Variants in WNK3 observed in about 807,000 individuals in gnomAD.
WNK3 encodes the protein WNK lysine deficient protein kinase 3.
Under a neutral mutation model 116.7 loss-of-function variants are expected in WNK3, and 18 were observed. The observed-to-expected ratio is 0.15, with a 90% CI of 0.11 to 0.23. The LOEUF (loss-of-function observed/expected upper bound fraction) is 0.23. Among genes scored for constraint, WNK3 ranks in the 10% least tolerant of loss-of-function variants. The pLI is 1.00. For synonymous variants in WNK3, 404 were observed against 469.4 expected, an observed-to-expected ratio of 0.86 and a Z score of 1.80; for missense variants, 993 against 1,323.8, an observed-to-expected ratio of 0.75 and a Z score of 3.88.
exon 24 of WNK3, chrX:54,194,895 T>C (rs1557139737): frequency 9.0e-6 from 1 of 111,441 alleles, no homozygotes. Flanking sequence ...CCACACTCAA[T>C]CCAAAAATCA....
At chrX:54,337,516 G>A (rs1370933401) in intron 1 of WNK3, among the ~76,000 whole-genome samples, 4 of 106,651 alleles carry the variant, frequency 3.8e-5, no homozygotes, top group Non-Finnish European at 7.7e-5. Context: ...CCGAGATTGC[G>A]CCACTGCACG....
chrX:54,335,027 G>T (rs1322622302), intron 1 of WNK3, among the ~76,000 whole-genome samples: 1 of 110,966 alleles, frequency 9.0e-6, no homozygotes, highest in African/African-American at 3.3e-5. Context: ...TTGGGAGGCC[G>T]AGGCGGGCAG....
chrX:54,302,690 A>T, intron 5 of WNK3, among the ~76,000 whole-genome samples: 1 of 90,537 alleles, frequency 1.1e-5, no homozygotes, highest in Non-Finnish European at 2.1e-5. Context: ...TCTATTTCAA[A>T]CATTCCAATT....
chrX:54,302,739 A>C (rs868944743), intron 5 of WNK3, among the ~76,000 whole-genome samples: 64 of 36,103 alleles, frequency 1.8e-3, no homozygotes, highest in African/African-American at 5.0e-3. Context: ...CTCTATATAT[A>C]TATATATATA....
At chrX:54,249,867 T>C in intron 16 of WNK3, 127 bp downstream of exon 16, 1 of 876,299 alleles carries the variant, frequency 1.1e-6, no homozygotes, top group East Asian at 3.4e-5. Flanking sequence ...AATATTAATG[T>C]CTTCAAAAAA....
At chrX:54,338,435 T>A (rs1176445432) in intron 1 of WNK3, among the ~76,000 whole-genome samples, 1 of 104,261 alleles carries the variant, frequency 9.6e-6, no homozygotes, top group Non-Finnish European at 2.0e-5. Flanking sequence ...AAAAAAAAAA[T>A]ACTTAGCCAG....
intron 2 of WNK3, among the ~76,000 whole-genome samples, chrX:54,327,300 T>C (rs1684365905): frequency 9.0e-6 from 1 of 111,150 alleles, no homozygotes; most frequent in Non-Finnish European, 1.9e-5. Flanking sequence ...AAGACAGAAT[T>C]AGGCTGGGCA....
intron 10 of WNK3, among the ~76,000 whole-genome samples, chrX:54,266,940 T>C (rs1557157854): frequency 9.1e-6 from 1 of 110,288 alleles, no homozygotes; most frequent in Non-Finnish European, 1.9e-5. Flanking sequence ...CCCCTCCCTG[T>C]GTCCATGTGT....
intron 17 of WNK3, among the ~76,000 whole-genome samples, chrX:54,240,401 T>C (rs1017657765): frequency 2.7e-5 from 3 of 111,606 alleles, no homozygotes; most frequent in Non-Finnish European, 3.8e-5. Context: ...TTCTGAAGTC[T>C]CATTTTAAAC....
chrX:54,260,168 C>T (rs782293952), intron 10 of WNK3, among the ~76,000 whole-genome samples: 9 of 111,895 alleles, frequency 8.0e-5, no homozygotes, highest in Non-Finnish European at 1.3e-4. Context: ...TATTCCTCCA[C>T]TTCCCTAAAC....
In WNK3 at chrX:54,351,930, A is replaced by AACAAC. The variant is rs1381797452; in HGVS notation, c.-120+5755_-120+5756insGTTGT. Among the ~76,000 whole-genome samples, 3 of 111,991 alleles carry AACAAC rather than the reference A, an allele frequency of 2.7e-5. No individual in the cohort carries two copies. The East Asian group carries it at 8.3e-4, about 31-fold the overall frequency. On this transcript the variant is annotated intron_variant, in intron 1 of 23. Transcript: ENST00000354646. ...GCATCTCAAAAACAAAACAAAACAA[A>AACAAC]ACAATAAAATAAAGCAGAAAGACAA...
chrX:54,267,924 G>GT (rs2068333616), intron 10 of WNK3, among the ~76,000 whole-genome samples: 1 of 111,112 alleles, frequency 9.0e-6, no homozygotes, highest in East Asian at 2.8e-4. Flanking sequence ...AAGTGCAAAT[G>GT]TAAGTGTTCG....
chrX:54,352,951 CTGAG>C (rs1557178737), intron 1 of WNK3, among the ~76,000 whole-genome samples: 1 of 111,696 alleles, frequency 9.0e-6, no homozygotes, highest in East Asian at 2.8e-4. Context: ...CAAAAACATG[CTGAG>C]TGAAAGCCAG....
chrX:54,277,152 G>A (rs1183018980), intron 10 of WNK3, among the ~76,000 whole-genome samples: 2 of 110,413 alleles, frequency 1.8e-5, no homozygotes, highest in African/African-American at 6.6e-5. Context: ...CCTAAGACTC[G>A]GAACAAAGCA....
At chrX:54,321,331 T>C (rs989475079) in intron 2 of WNK3, among the ~76,000 whole-genome samples, 1 of 112,051 alleles carries the variant, frequency 8.9e-6, no homozygotes, top group Non-Finnish European at 1.9e-5. Context: ...CCAGTTAAAC[T>C]ATCTGGCTTA....
chrX:54,355,009 G>A (rs932799398), intron 1 of WNK3, among the ~76,000 whole-genome samples: 2 of 110,967 alleles, frequency 1.8e-5, no homozygotes, highest in Non-Finnish European at 3.8e-5. Flanking sequence ...GCTTGAACCT[G>A]GGAGGCGGAG....
intron 5 of WNK3, 73 bp from the exon 6 acceptor site, chrX:54,301,932 ATTATTT>A: frequency 1.4e-6 from 1 of 739,321 alleles, no homozygotes; most frequent in Non-Finnish European, 2.1e-6. Flanking sequence ...TTTATTAAAC[ATTATTT>A]TTATCACTAA....
chrX:54,214,054 G>A (rs180858123), intron 22 of WNK3, among the ~76,000 whole-genome samples: 2,113 of 111,370 alleles, frequency 0.019, 55 homozygotes, highest in African/African-American at 0.066. Context: ...TCAGCTCACT[G>A]CAACCTCCAC....
rs181561143 is a variant in WNK3 at position 54,237,688 on chromosome X, T to G, written c.4015-137A>C. 249 of 564,355 alleles carry G rather than the reference T, an allele frequency of 4.4e-4. No individual in the cohort carries two copies. In the African/African-American group the frequency reaches 5.4e-3, roughly 12 times the overall value. The allele number at this position is 564,355 out of a possible 1,213,427, so 46.5% of individuals were successfully genotyped here. On this transcript the variant is annotated intron_variant, in intron 19 of 23. Transcript: ENST00000354646. ...AATTCACTCTTTCAATCAGGCCCCT[T>G]GGGTAAAGAGAGTGGGCATCATATT...
Sources: allele counts gnomAD v4.1 joint callset (sites outside exome capture counted in the v4.1 genomes callset), GRCh38; gene constraint gnomAD v4.1.1; transcripts MANE v1.5; gene names NCBI Gene and HGNC (gene_info 2026-07-23, HGNC 2026-07-21).